Variants in SEMA5A observed in about 807,000 individuals in gnomAD.
SEMA5A encodes semaphorin 5A.
A neutral mutation model predicts 135.5 loss-of-function variants in SEMA5A; 55 were observed. The ratio of observed to expected loss-of-function variants is 0.41; its 90% confidence interval spans 0.33 to 0.51. The LOEUF (loss-of-function observed/expected upper bound fraction) is 0.51. SEMA5A is among the 20% of genes least tolerant of loss of function. The pLI is 0.37. For missense variants in SEMA5A, 1,290 were observed against 1,419.9 expected, an observed-to-expected ratio of 0.91 and a Z score of 1.47; for synonymous variants, 580 against 546.5, an observed-to-expected ratio of 1.06 and a Z score of -0.85.
chr5:9,406,839 ATAGATTTCAAAC>A (rs1756905297), intron 2 of SEMA5A, among the ~76,000 whole-genome samples: 1 of 152,270 alleles, frequency 6.6e-6, no homozygotes, highest in East Asian at 1.9e-4. Context: ...CCTGTAGTAG[ATAGATTTCAAAC>A]AGGTCTTTCA....
intron 1 of SEMA5A, among the ~76,000 whole-genome samples, chr5:9,489,432 G>C (rs981202449): frequency 2.0e-5 from 3 of 152,116 alleles, no homozygotes; most frequent in Admixed American, 1.3e-4. Context: ...CCCTGTGTCT[G>C]GCTAGAAATG....
At chr5:9,315,184 CTTCACCTAGA>C (rs1752336858) in intron 5 of SEMA5A, among the ~76,000 whole-genome samples, 2 of 152,130 alleles carry the variant, frequency 1.3e-5, no homozygotes, top group Admixed American at 1.3e-4. Context: ...CTCATAAGCC[CTTCACCTAGA>C]TTCCCCTGTT....
chr5:9,445,234 C>A (rs1282950972), intron 1 of SEMA5A, among the ~76,000 whole-genome samples: 1 of 152,136 alleles, frequency 6.6e-6, no homozygotes, highest in African/African-American at 2.4e-5. Context: ...TCAAGGAATT[C>A]AGCCTTTGGA....
rs1249109285 is a variant in SEMA5A, at chr5:9,118,926, C to T, written c.1925+72G>A. On this transcript the variant is annotated intron_variant, in intron 15 of 22. Coordinates refer to ENST00000382496, the MANE Select transcript of SEMA5A (RefSeq NM_003966.3). ...TTAGGCAGATCCAAAACTAAAACCG[C>T]GGGGAACTCGACCTGGCCGGAATGA... The T allele has an allele frequency of 3.8e-6, 6 of 1,559,190 alleles. 1 individual carries two copies. The South Asian group carries it at 7.1e-5, about 19-fold the overall frequency.
At chr5:9,265,544 G>A (rs1389527735) in intron 5 of SEMA5A, 3 of 456,242 alleles carry the variant, frequency 6.6e-6, no homozygotes, top group African/African-American at 2.0e-5. Context: ...GCTCCAGGCT[G>A]TGAGTATATG....
chr5:9,143,355 AG>A (rs1742166357), intron 12 of SEMA5A, among the ~76,000 whole-genome samples: 1 of 142,132 alleles, frequency 7.0e-6, no homozygotes, highest in African/African-American at 2.6e-5. Flanking sequence ...GATTTCAATT[AG>A]TGATTAACTT....
intron 1 of SEMA5A, among the ~76,000 whole-genome samples, chr5:9,443,655 C>T (rs568500496): frequency 2.3e-4 from 35 of 152,322 alleles, no homozygotes; most frequent in African/African-American, 8.4e-4. Context: ...CTAAAATCTA[C>T]TTATTTCACA....
chr5:9,364,868 T>A (rs1332887676), intron 3 of SEMA5A, among the ~76,000 whole-genome samples: 8 of 152,238 alleles, frequency 5.3e-5, no homozygotes, highest in Non-Finnish European at 1.2e-4. Flanking sequence ...AAATGAGGAA[T>A]TATTTATTTT....
At chr5:9,277,890 G>A (rs551972506) in intron 5 of SEMA5A, among the ~76,000 whole-genome samples, 112 of 152,082 alleles carry the variant, frequency 7.4e-4, no homozygotes, top group African/African-American at 2.3e-3. Flanking sequence ...GCAAACCACC[G>A]TGGCACGTGT....
chr5:9,275,072 G>A (rs1372859437), intron 5 of SEMA5A, among the ~76,000 whole-genome samples: 2 of 151,950 alleles, frequency 1.3e-5, no homozygotes, highest in Non-Finnish European at 2.9e-5. Context: ...CAACAAAATA[G>A]ATAGACTTCT....
chr5:9,356,898 T>A (rs1223758790), intron 3 of SEMA5A, among the ~76,000 whole-genome samples: 2 of 152,204 alleles, frequency 1.3e-5, no homozygotes, highest in African/African-American at 4.8e-5. Context: ...ACTGAAACGC[T>A]CATGCACCTG....
intron 2 of SEMA5A, among the ~76,000 whole-genome samples, chr5:9,427,094 T>C (rs947897106): frequency 6.6e-5 from 10 of 152,116 alleles, no homozygotes; most frequent in Admixed American, 6.5e-4. Context: ...GGGTGTATCA[T>C]GAGGTCAGGA....
At chr5:9,423,838 G>A (rs1164597708) in intron 2 of SEMA5A, among the ~76,000 whole-genome samples, 2 of 152,272 alleles carry the variant, frequency 1.3e-5, no homozygotes, top group East Asian at 3.9e-4. Flanking sequence ...CATCACAAAT[G>A]TTCACAGAGA....
intron 3 of SEMA5A, among the ~76,000 whole-genome samples, chr5:9,358,688 A>C (rs1754558581): frequency 6.6e-6 from 1 of 152,232 alleles, no homozygotes; most frequent in Admixed American, 6.5e-5. Context: ...TGAATGAATA[A>C]ATGTCAAACA....
In SEMA5A at chr5:9,207,640, T is replaced by C. The variant is rs142725128; in HGVS notation, c.647-5400A>G. Among the ~76,000 whole-genome samples the C allele has an allele frequency of 1.2e-3, 183 of 152,352 alleles. 2 individuals carry two copies. Among genetic ancestry groups the C allele is most frequent in the African/African-American group, 4.2e-3 (176 of 41,588 alleles). On this transcript the variant is annotated intron_variant, in intron 8 of 22. Transcript: ENST00000382496. ...GCCTTCCATAAGCATTCCCTGATTT[T>C]AGACCCTCTCTGTATTGGGTACATT... is the stretch of plus-strand genomic sequence containing the variant.
intron 7 of SEMA5A, among the ~76,000 whole-genome samples, chr5:9,226,273 A>ACCC (rs1561045279): frequency 6.6e-6 from 1 of 152,244 alleles, no homozygotes; most frequent in Non-Finnish European, 1.5e-5. Flanking sequence ...ACCCTGAATT[A>ACCC]GGAAGATTCC....
intron 16 of SEMA5A, among the ~76,000 whole-genome samples, chr5:9,100,936 T>C (rs997172041): frequency 2.0e-5 from 3 of 152,102 alleles, no homozygotes; most frequent in African/African-American, 7.2e-5. Context: ...CACAACTGTA[T>C]GCATTGCCTT....
rs1207977600 is a variant in SEMA5A at position 9,063,074 on chromosome 5, T to C, written c.2331A>G (p.Arg777=). The change falls in exon 18 of 23, where the codon AGA becomes AGG. Residue 777 remains arginine, a synonymous_variant. Coordinates refer to ENST00000382496, the MANE Select transcript of SEMA5A (RefSeq NM_003966.3). ...CCCCGTTGACCGTGTGGGCAGAGTA[T>C]CTCCCAGCACGCAGGAAATCCCCAG... ...GLSGDFLRAG[R]YSAHTVNGAW... is the part of the protein sequence containing the mutation. The C allele has an allele frequency of 6.2e-7, 1 of 1,613,870 alleles. No individual in the cohort carries two copies. The highest frequency in any genetic ancestry group is 8.5e-7 in the Non-Finnish European group (1 of 1,179,978).
intron 5 of SEMA5A, among the ~76,000 whole-genome samples, chr5:9,253,360 T>A (rs980298354): frequency 6.6e-6 from 1 of 152,208 alleles, no homozygotes; most frequent in African/African-American, 2.4e-5. Flanking sequence ...TGATGACGGA[T>A]AATTAAGTCT....
Sources: allele counts gnomAD v4.1 joint callset (sites outside exome capture counted in the v4.1 genomes callset), GRCh38; gene constraint gnomAD v4.1.1; transcripts MANE v1.5; gene names NCBI Gene and HGNC (gene_info 2026-07-23, HGNC 2026-07-21).